DDX10: variants seen among roughly 807,000 people sequenced by gnomAD.
DDX10 encodes the protein DEAD-box helicase 10.
DDX10 carries 74 observed loss-of-function variants against 104.3 expected under a neutral mutation model. The ratio of observed to expected loss-of-function variants is 0.71; its 90% CI spans 0.59 to 0.86. The LOEUF is 0.86. Ranked by LOEUF, DDX10 falls within the 40% of genes least tolerant of loss-of-function variation. The pLI, the probability that DDX10 is intolerant of heterozygous loss-of-function variation, is 0.00. For synonymous variants in DDX10, 351 were observed against 353.4 expected (o/e 0.99, Z 0.08); for missense variants, 952 against 1,040.0 (o/e 0.92, Z 1.16).
In DDX10 at chr11:108,677,113, G is replaced by A. The variant is rs1016822872; in HGVS notation, c.407G>A (p.Trp136Ter). The change falls in exon 4 of 18, where the codon TGG becomes TAG. Residue 136 changes from tryptophan (W) to a stop codon, truncating the protein, a stop_gained. Coordinates refer to ENST00000322536, the MANE Select transcript of DDX10 (RefSeq NM_004398.4). LOFTEE classifies it high-confidence loss of function. Reference sequence around the variant, plus strand: ...CTGGAAGCCTTATATCGTCTGCAATGGACTTCAACAGATGGGCTGGGGGTT... The same window carrying A: ...CTGGAAGCCTTATATCGTCTGCAATAGACTTCAACAGATGGGCTGGGGGTT... ...PVLEALYRLQ[W>*]TSTDGLGVLI... is the part of the protein sequence containing the mutation. 1.2e-6 allele frequency: 2 copies of A among 1,613,010 alleles called. No homozygotes were observed. Among genetic ancestry groups the A allele is most frequent in the Non-Finnish European group, 1.7e-6 (2 of 1,179,440 alleles).
At chr11:108,827,213 A>G (rs1194143330) in intron 13 of DDX10, among the ~76,000 whole-genome samples, 1 of 152,224 alleles carries the variant, frequency 6.6e-6, no homozygotes, top group African/African-American at 2.4e-5. Flanking sequence ...AATATTTCCT[A>G]TATACTAGCC....
chr11:108,839,572 A>G (rs1430671008), intron 14 of DDX10, among the ~76,000 whole-genome samples: 1 of 152,228 alleles, frequency 6.6e-6, no homozygotes, highest in African/African-American at 2.4e-5. Context: ...AATGTAGCAC[A>G]TCATATATTT....
At chr11:108,693,430 C>A in intron 8 of DDX10, 86 bp from the exon 9 acceptor site, 1 of 945,298 alleles carries the variant, frequency 1.1e-6, no homozygotes, top group Non-Finnish European at 1.8e-6. Flanking sequence ...GATGAAAAGT[C>A]CTGGCAAGCA....
chr11:108,832,599 T>A (rs761975919), intron 13 of DDX10, among the ~76,000 whole-genome samples: 8 of 152,180 alleles, frequency 5.3e-5, no homozygotes, highest in Non-Finnish European at 1.0e-4. Context: ...AACTTAAAAC[T>A]TCCCCGAGGT....
intron 16 of DDX10, among the ~76,000 whole-genome samples, chr11:108,879,289 C>G (rs1452904693): frequency 1.3e-5 from 2 of 152,154 alleles, no homozygotes; most frequent in Non-Finnish European, 2.9e-5. Flanking sequence ...CATGAGCCAT[C>G]ACATCCGGCC....
chr11:108,670,166 G>T (rs1004638987), intron 1 of DDX10, among the ~76,000 whole-genome samples: 2 of 152,222 alleles, frequency 1.3e-5, no homozygotes, highest in African/African-American at 4.8e-5. Context: ...GAGCTGTAAA[G>T]GTTGGAGGGT....
At chr11:108,717,439 A>G (rs1364758030) in intron 11 of DDX10, among the ~76,000 whole-genome samples, 3 of 152,070 alleles carry the variant, frequency 2.0e-5, no homozygotes, top group Non-Finnish European at 4.4e-5. Flanking sequence ...CCTCCCGAGT[A>G]GCTGGGATTA....
At position 108,680,280 on chromosome 11, in the gene DDX10, ATATAGCTCAC is replaced by A. The variant is rs1210075750; in HGVS notation, c.848+723_848+732del. On this transcript the variant is annotated intron_variant, in intron 6 of 17. Coordinates refer to ENST00000322536, the MANE Select transcript of DDX10 (RefSeq NM_004398.4). Reference sequence around the variant, plus strand: ...CCCAGGCTGGAGTGCAGTTGTGTGAATATAGCTCACTACAGCCTTCAACTTCTGGGCTCAA... The same window carrying A: ...CCCAGGCTGGAGTGCAGTTGTGTGAATACAGCCTTCAACTTCTGGGCTCAA... 3.3e-5 allele frequency among the ~76,000 whole-genome samples: 5 copies of A among 152,172 alleles called. No homozygotes were observed. The South Asian group carries it at 1.0e-3, about 32-fold the overall frequency.
At chr11:108,806,233 G>A (rs901553262) in intron 13 of DDX10, among the ~76,000 whole-genome samples, 2 of 152,214 alleles carry the variant, frequency 1.3e-5, no homozygotes, top group Non-Finnish European at 2.9e-5. Context: ...AGAGTGCTGG[G>A]ATTATAGGCG....
chr11:108,735,375 A>T (rs367886356), intron 13 of DDX10, among the ~76,000 whole-genome samples: 1 of 152,080 alleles, frequency 6.6e-6, no homozygotes, highest in Non-Finnish European at 1.5e-5. Flanking sequence ...AATGGGTGGG[A>T]TGGACAAAAA....
chr11:108,738,220 G>C (rs56335111), intron 13 of DDX10, among the ~76,000 whole-genome samples: 9,609 of 144,222 alleles, frequency 0.067, 439 homozygotes, highest in Middle Eastern at 0.096. Context: ...CGCTGTATTT[G>C]TACTCCCTAC....
At position 108,830,632 on chromosome 11, in the gene DDX10, A is replaced by AG. The variant is rs1491418043; in HGVS notation, c.1966-7807dup. 3.3e-5 allele frequency among the ~76,000 whole-genome samples: 5 copies of AG among 152,116 alleles called. No homozygotes were observed. The East Asian group carries it at 5.8e-4, about 18-fold the overall frequency. On this transcript the variant is annotated intron_variant, in intron 13 of 17. Coordinates refer to ENST00000322536, the MANE Select transcript of DDX10 (RefSeq NM_004398.4). Reference sequence around the variant, plus strand: ...GCATCCTTGTCTTGTTCCAGTTCTCAGGGGGGGAATGCTTTCAACTTTCTA... The same window carrying AG: ...GCATCCTTGTCTTGTTCCAGTTCTCAGGGGGGGGAATGCTTTCAACTTTCTA...
intron 13 of DDX10, among the ~76,000 whole-genome samples, chr11:108,736,589 A>G (rs1468707094): frequency 6.6e-6 from 1 of 152,182 alleles, no homozygotes; most frequent in African/African-American, 2.4e-5. Flanking sequence ...AGAGGTGATT[A>G]GGTCATGAGG....
chr11:108,863,237 T>C (rs1485249659), intron 16 of DDX10, among the ~76,000 whole-genome samples: 2 of 152,252 alleles, frequency 1.3e-5, no homozygotes, highest in Admixed American at 6.5e-5. Context: ...TTTTTGTTAA[T>C]GTAGCCTCAT....
intron 13 of DDX10, among the ~76,000 whole-genome samples, chr11:108,833,666 C>T (rs2134589053): frequency 6.6e-6 from 1 of 152,334 alleles, no homozygotes; most frequent in East Asian, 1.9e-4. Flanking sequence ...AATACCTCTA[C>T]ATTTTGTCAT....
chr11:108,716,041 G>C (rs1377987203), intron 11 of DDX10, 75 bp downstream of exon 11: 2 of 829,394 alleles, frequency 2.4e-6, no homozygotes, highest in East Asian at 5.1e-5. Flanking sequence ...CTACTTCTAG[G>C]TTGCATGTTT....
intron 13 of DDX10, among the ~76,000 whole-genome samples, chr11:108,828,135 T>C (rs1263935112): frequency 6.6e-6 from 1 of 152,170 alleles, no homozygotes; most frequent in Admixed American, 6.5e-5. Context: ...GGGGGTGGTA[T>C]TAAGTTTATT....
intron 1 of DDX10, among the ~76,000 whole-genome samples, chr11:108,670,320 A>AGAGGGAACAGGAGTAGG (rs2094215353): frequency 2.0e-5 from 3 of 152,038 alleles, no homozygotes; most frequent in African/African-American, 7.2e-5. Context: ...AGGCTGAAGG[A>AGAGGGAACAGGAGTAGG]GAGGGAACAG....
intron 13 of DDX10, among the ~76,000 whole-genome samples, chr11:108,772,084 G>C (rs903642506): frequency 6.6e-6 from 1 of 152,214 alleles, no homozygotes; most frequent in Non-Finnish European, 1.5e-5. Context: ...AACCTCACAA[G>C]TGTTTTTCCT....
Sources: allele counts gnomAD v4.1 joint callset (sites outside exome capture counted in the v4.1 genomes callset), GRCh38; gene constraint gnomAD v4.1.1; transcripts MANE v1.5; gene names NCBI Gene and HGNC (gene_info 2026-07-23, HGNC 2026-07-21).